CFAP77: variants seen among roughly 807,000 people sequenced by gnomAD.
CFAP77 encodes the protein cilia- and flagella-associated protein 77.
CFAP77 carries 25 observed loss-of-function variants against 31.1 expected under a neutral mutation model. The observed-to-expected ratio is 0.80, with a 90% CI of 0.59 to 1.12. The LOEUF is 1.12. Among genes scored for constraint, CFAP77 ranks in the 50% most tolerant of loss-of-function variants. The probability of loss-of-function intolerance (pLI) is 0.00; values close to 1 mark genes in which losing one functional copy is unlikely to be tolerated. For missense variants in CFAP77, 377 were observed against 397.3 expected (o/e 0.95, Z 0.44); for synonymous variants, 151 against 159.9 (o/e 0.94, Z 0.42).
intron 1 of CFAP77, among the ~76,000 whole-genome samples, chr9:132,416,138 G>A (rs909078599): frequency 6.6e-6 from 1 of 151,944 alleles, no homozygotes; most frequent in Non-Finnish European, 1.5e-5. Context: ...AGGGCTTTGC[G>A]GTGGTCCCTG....
intron 3 of CFAP77, among the ~76,000 whole-genome samples, chr9:132,530,277 T>C (rs1852419733): frequency 8.2e-6 from 1 of 121,894 alleles, no homozygotes; most frequent in South Asian, 3.0e-4. Context: ...GCCAATTTTC[T>C]TTTTTTTTTT....
rs113226727 is a variant in CFAP77, at chr9:132,554,939, C to CCCATCCATCCATCCAT, written c.732+11927_732+11942dup. 4.8e-5 allele frequency among the ~76,000 whole-genome samples: 7 copies of CCCATCCATCCATCCAT among 146,686 alleles called. No individual in the cohort carries two copies. Among genetic ancestry groups the CCCATCCATCCATCCAT allele is most frequent in the African/African-American group, 1.5e-4 (6 of 39,446 alleles). ...ATGCATGCATGCATCCATCCATCCA[C>CCCATCCATCCATCCAT]CCATCCATCCATCCATCCATCCATC... On this transcript the variant is annotated intron_variant, in intron 5 of 5. Transcript: ENST00000393216. This position sits in a 1 kb window ranked among gnomAD's most constrained non-coding sequence, Gnocchi z 4.1.
chr9:132,512,767 C>A (rs1000631031), intron 3 of CFAP77, among the ~76,000 whole-genome samples: 3 of 152,084 alleles, frequency 2.0e-5, no homozygotes, highest in African/African-American at 7.2e-5. Context: ...GCCAACATGG[C>A]GAAACCTTGT....
Position 132,572,318 on chromosome 9 carries a change from G to A in CFAP77, c.733-70G>A. ...TCTAAGATTGAAGCAGGGGGCAGGC[G>A]AGGGGAGCAACTGGAATGAGCTACA... On this transcript the variant is annotated intron_variant, in intron 5 of 5. Coordinates refer to ENST00000393216, the MANE Select transcript of CFAP77 (RefSeq NM_001282957.2). 5 of 1,522,396 alleles carry A rather than the reference G, an allele frequency of 3.3e-6. No individual in the cohort carries two copies. In the South Asian group the frequency reaches 3.7e-5, roughly 11 times the overall value. 94.3% of individuals were successfully genotyped at this position (1,522,396 alleles called of 1,614,324 possible).
intron 1 of CFAP77, among the ~76,000 whole-genome samples, chr9:132,433,386 T>C (rs4551482): frequency 0.094 from 14,326 of 152,152 alleles, 1,028 homozygotes; most frequent in East Asian, 0.25. Flanking sequence ...CTGTGAGTCG[T>C]GATTATGCCA....
At chr9:132,450,713 G>A (rs892139016) in intron 1 of CFAP77, among the ~76,000 whole-genome samples, 1 of 152,190 alleles carries the variant, frequency 6.6e-6, no homozygotes. Flanking sequence ...TAGGCCATGA[G>A]ATGCCTTTAA....
intron 1 of CFAP77, among the ~76,000 whole-genome samples, chr9:132,417,131 T>TC (rs1289459101): frequency 1.3e-5 from 2 of 151,538 alleles, no homozygotes; most frequent in African/African-American, 4.8e-5. Flanking sequence ...TTTTTTTTTT[T>TC]TGAGACGGAG....
At chr9:132,514,346 G>A (rs1335873649) in intron 3 of CFAP77, among the ~76,000 whole-genome samples, 1 of 144,758 alleles carries the variant, frequency 6.9e-6, no homozygotes, top group Non-Finnish European at 1.5e-5. Flanking sequence ...TGATCACCTT[G>A]GAAAAGGGGT....
chr9:132,516,884 G>A (rs894394508), intron 3 of CFAP77, among the ~76,000 whole-genome samples: 1 of 152,174 alleles, frequency 6.6e-6, no homozygotes, highest in African/African-American at 2.4e-5. Flanking sequence ...AAAAACCACG[G>A]TGAAACTGTA....
chr9:132,537,747 T>C (rs756797853), intron 4 of CFAP77, 41 bp downstream of exon 4: 23 of 1,501,646 alleles, frequency 1.5e-5, no homozygotes, highest in Non-Finnish European at 2.1e-5. Context: ...GCTGATGGGG[T>C]GGAGAAGAGA....
intron 1 of CFAP77, among the ~76,000 whole-genome samples, chr9:132,491,130 T>C (rs955850955): frequency 1.1e-4 from 17 of 151,924 alleles, no homozygotes; most frequent in African/African-American, 3.9e-4. Context: ...CTGAAATAAG[T>C]GGATTGGAAA....
chr9:132,499,717 CTCT>C lies in CFAP77; in HGVS notation c.524+120_524+122del. 1.1e-6 allele frequency: 1 copy of C among 871,520 alleles called. No individual in the cohort carries two copies. The highest frequency in any genetic ancestry group is 1.8e-6 in the Non-Finnish European group (1 of 542,918). 54.0% of individuals were successfully genotyped at this position (871,520 alleles called of 1,614,324 possible). A position where few individuals can be genotyped will look rare whatever the true frequency, so the allele number is the denominator to read the frequency against. On this transcript the variant is annotated intron_variant, in intron 3 of 5. Transcript: ENST00000393216. This position sits in a 1 kb window ranked among gnomAD's most constrained non-coding sequence, Gnocchi z 5.4. The stretch of plus-strand genomic sequence containing the variant: ...AGCATCCTCCCAGCCCCACTGTCCT[CTCT>C]TCAATGACTCTCTCTTGTGTGACCT...
chr9:132,537,122 G>T lies in CFAP77; in HGVS notation c.525-479G>T, dbSNP rs78947890. 9.7e-4 allele frequency among the ~76,000 whole-genome samples: 148 copies of T among 152,306 alleles called. 5 individuals are homozygous for T. In the East Asian group the frequency reaches 0.026, roughly 26 times the overall value. Reference sequence around the variant, plus strand: ...GTTTAGCTGAGGAGCCAAGGGAGGGGCGGGGTCAGTGGATGGAAAATTACT... The same window carrying T: ...GTTTAGCTGAGGAGCCAAGGGAGGGTCGGGGTCAGTGGATGGAAAATTACT... On this transcript the variant is annotated intron_variant, in intron 3 of 5. Coordinates refer to ENST00000393216, the MANE Select transcript of CFAP77 (RefSeq NM_001282957.2).
chr9:132,412,564 A>G (rs1211440840), intron 1 of CFAP77, among the ~76,000 whole-genome samples: 1 of 148,866 alleles, frequency 6.7e-6, no homozygotes, highest in African/African-American at 2.5e-5. Context: ...AAATGAGCAC[A>G]CTGAAGCCAC....
intron 1 of CFAP77, among the ~76,000 whole-genome samples, chr9:132,422,505 G>A (rs139393432): frequency 6.6e-6 from 1 of 152,358 alleles, no homozygotes; most frequent in East Asian, 1.9e-4. Flanking sequence ...TGGAAGTGGA[G>A]TGTGTATGTG....
At chr9:132,452,394 C>G (rs989832824) in intron 1 of CFAP77, among the ~76,000 whole-genome samples, 14 of 151,794 alleles carry the variant, frequency 9.2e-5, no homozygotes, top group African/African-American at 3.2e-4. Context: ...CCTTCCCGTG[C>G]CCCTGCTTTG....
rs370653556 is a variant in CFAP77, at chr9:132,498,754, T to C, written c.255T>C (p.Tyr85=). The C allele has an allele frequency of 2.2e-5, 35 of 1,612,240 alleles. No individual in the cohort carries two copies. The highest frequency in any genetic ancestry group is 4.0e-5 in the African/African-American group (3 of 74,926). Residue 85 remains tyrosine (Y), a synonymous_variant, in exon 2 of 6, where the codon TAT becomes TAC. Transcript: ENST00000393216. This position sits in a 1 kb window ranked among gnomAD's most constrained non-coding sequence, Gnocchi z 4.2. ...GTCTGCCCGGCATTAATTTTAATTATGGACTCTACATCCGAGGGCTTGACG... is the reference window on the plus strand; with the variant it reads ...GTCTGCCCGGCATTAATTTTAATTACGGACTCTACATCCGAGGGCTTGACG... ...SYSLPGINFN[Y]GLYIRGLDGG...
At chr9:132,543,331 T>C (rs1285658672) in intron 5 of CFAP77, among the ~76,000 whole-genome samples, 1 of 152,266 alleles carries the variant, frequency 6.6e-6, no homozygotes, top group Non-Finnish European at 1.5e-5. Context: ...AGTCTTGGGC[T>C]GAACCCAGAC....
At chr9:132,475,999 A>G (rs1055123058) in intron 1 of CFAP77, among the ~76,000 whole-genome samples, 1 of 152,172 alleles carries the variant, frequency 6.6e-6, no homozygotes, top group Admixed American at 6.5e-5. Flanking sequence ...ATTTCTGTCC[A>G]GGCTTTTCTG....
Sources: allele counts gnomAD v4.1 joint callset (sites outside exome capture counted in the v4.1 genomes callset), GRCh38; gene constraint gnomAD v4.1.1; non-coding constraint Gnocchi (gnomAD v3.1); transcripts MANE v1.5; gene names NCBI Gene and HGNC (gene_info 2026-07-23, HGNC 2026-07-21).